Variants in UNC5D observed in about 807,000 individuals in gnomAD.
The protein encoded by UNC5D is netrin receptor UNC5D.
UNC5D carries 39 observed loss-of-function variants against 105.4 expected under a neutral mutation model. That is an observed-to-expected ratio of 0.37 (90% CI 0.29 to 0.48). The LOEUF (loss-of-function observed/expected upper bound fraction) is 0.48, where lower values mean the gene tolerates loss of function less well. Among genes scored for constraint, UNC5D ranks in the 20% least tolerant of loss-of-function variants. The pLI is 0.98. For synonymous variants in UNC5D, 452 were observed against 450.4 expected (o/e 1.00, Z -0.04); for missense variants, 991 against 1,202.4 (o/e 0.82, Z 2.60).
chr8:35,319,123 G>A (rs773719831), intron 1 of UNC5D, among the ~76,000 whole-genome samples: 4 of 152,058 alleles, frequency 2.6e-5, no homozygotes, highest in Non-Finnish European at 4.4e-5. Flanking sequence ...AGGCATCTTT[G>A]AACTCAGCTA....
intron 3 of UNC5D, among the ~76,000 whole-genome samples, chr8:35,590,400 A>G (rs192039743): frequency 4.6e-5 from 7 of 152,276 alleles, no homozygotes; most frequent in Non-Finnish European, 8.8e-5. Context: ...TCTTATTAAT[A>G]TAGGATTTAT....
intron 16 of UNC5D, among the ~76,000 whole-genome samples, chr8:35,788,289 C>A (rs776262719): frequency 6.6e-6 from 1 of 152,032 alleles, no homozygotes; most frequent in Non-Finnish European, 1.5e-5. Flanking sequence ...CTACATCAGT[C>A]GTCTTTGTGA....
intron 1 of UNC5D, among the ~76,000 whole-genome samples, chr8:35,422,037 TTTAACTC>T (rs1805939319): frequency 6.6e-6 from 1 of 152,226 alleles, no homozygotes; most frequent in Non-Finnish European, 1.5e-5. Context: ...TTTTGGCTTT[TTTAACTC>T]TGAAATGATG....
At chr8:35,277,486 G>T (rs1188895433) in intron 1 of UNC5D, among the ~76,000 whole-genome samples, 1 of 152,088 alleles carries the variant, frequency 6.6e-6, no homozygotes, top group African/African-American at 2.4e-5. Context: ...TCCTGTACCT[G>T]CCTTCATTGT....
intron 11 of UNC5D, among the ~76,000 whole-genome samples, chr8:35,747,644 C>G (rs1024752411): frequency 6.6e-6 from 1 of 152,176 alleles, no homozygotes; most frequent in Non-Finnish European, 1.5e-5. Context: ...AAGCAGACAT[C>G]TGGGTTCTTC....
chr8:35,269,625 A>G (rs536329916), intron 1 of UNC5D, among the ~76,000 whole-genome samples: 1 of 152,300 alleles, frequency 6.6e-6, no homozygotes, highest in East Asian at 1.9e-4. Flanking sequence ...TATTTAAAAA[A>G]AATTTCTTCT....
At chr8:35,575,547 G>A (rs1818032818) in intron 3 of UNC5D, among the ~76,000 whole-genome samples, 1 of 152,188 alleles carries the variant, frequency 6.6e-6, no homozygotes, top group Non-Finnish European at 1.5e-5. Context: ...GTTGTTCAGT[G>A]TACAGCTCTG....
chr8:35,300,545 C>T (rs1026027692), intron 1 of UNC5D, among the ~76,000 whole-genome samples: 1 of 136,698 alleles, frequency 7.3e-6, no homozygotes, highest in Non-Finnish European at 1.6e-5. Flanking sequence ...ACCAAGAAAC[C>T]AAAGGGAATA....
intron 1 of UNC5D, among the ~76,000 whole-genome samples, chr8:35,344,163 A>T (rs1221462999): frequency 6.6e-6 from 1 of 152,096 alleles, no homozygotes; most frequent in Non-Finnish European, 1.5e-5. Context: ...TGTAACAGAA[A>T]GTATATAAAG....
intron 10 of UNC5D, chr8:35,727,977 C>G (rs952321677): frequency 6.7e-6 from 1 of 149,156 alleles, no homozygotes; most frequent in East Asian, 2.0e-4. Flanking sequence ...TGGCACACAC[C>G]TGTAGTCCCA....
intron 16 of UNC5D, among the ~76,000 whole-genome samples, chr8:35,777,994 A>C (rs10101908): frequency 0.058 from 8,854 of 152,178 alleles, 699 homozygotes; most frequent in East Asian, 0.17. Context: ...TGATCACACT[A>C]AACTAAGCTG....
At chr8:35,728,761 ATTAT>A (rs1019919760) in intron 10 of UNC5D, among the ~76,000 whole-genome samples, 38 of 152,334 alleles carry the variant, frequency 2.5e-4, no homozygotes, top group African/African-American at 9.1e-4. Flanking sequence ...CACTCTAGAA[ATTAT>A]TTATTATTCC....
intron 4 of UNC5D, among the ~76,000 whole-genome samples, chr8:35,669,193 T>C (rs1428780891): frequency 1.3e-5 from 2 of 152,224 alleles, no homozygotes; most frequent in Non-Finnish European, 2.9e-5. Flanking sequence ...CAATGCCTTA[T>C]GTGCATTTCA....
intron 4 of UNC5D, among the ~76,000 whole-genome samples, chr8:35,647,469 A>G (rs1429417752): frequency 3.9e-5 from 6 of 152,068 alleles, no homozygotes; most frequent in Admixed American, 3.9e-4. Context: ...ACCCAGAATT[A>G]TACAAGCATT....
chr8:35,324,661 A>G (rs1301870937), intron 1 of UNC5D, among the ~76,000 whole-genome samples: 1 of 152,248 alleles, frequency 6.6e-6, no homozygotes, highest in African/African-American at 2.4e-5. Flanking sequence ...GTAAAATCTC[A>G]AAACTAATAT....
chr8:35,266,380 A>G (rs1410439957), intron 1 of UNC5D, among the ~76,000 whole-genome samples: 1 of 152,228 alleles, frequency 6.6e-6, no homozygotes, highest in Admixed American at 6.5e-5. Flanking sequence ...TGAACCATAT[A>G]TAGTAAATAC....
At chr8:35,481,964 T>G (rs112296721) in intron 1 of UNC5D, among the ~76,000 whole-genome samples, 6 of 152,288 alleles carry the variant, frequency 3.9e-5, no homozygotes, top group African/African-American at 1.4e-4. Context: ...TGGGTATATA[T>G]TAGAGAGTCA....
intron 7 of UNC5D, among the ~76,000 whole-genome samples, chr8:35,694,822 C>G (rs1217031733): frequency 1.3e-5 from 2 of 151,942 alleles, no homozygotes; most frequent in Non-Finnish European, 2.9e-5. Context: ...TTCAAGTGAT[C>G]CTCCCACCTC....
chr8:35,421,626 G>A (rs1214719311), intron 1 of UNC5D, among the ~76,000 whole-genome samples: 1 of 151,740 alleles, frequency 6.6e-6, no homozygotes, highest in Non-Finnish European at 1.5e-5. Flanking sequence ...TTTATTATGA[G>A]CATGTATTTG....
Sources: allele counts gnomAD v4.1 joint callset (sites outside exome capture counted in the v4.1 genomes callset), GRCh38; gene constraint gnomAD v4.1.1; transcripts MANE v1.5; gene names NCBI Gene and HGNC (gene_info 2026-07-23, HGNC 2026-07-21).